Variants in LRP2 observed in about 807,000 individuals in gnomAD.
LRP2 encodes the protein low-density lipoprotein receptor-related protein 2.
Under a neutral mutation model 531.0 loss-of-function variants are expected in LRP2, and 172 were observed. The observed-to-expected ratio is 0.32, with a 90% CI of 0.29 to 0.37. The LOEUF (loss-of-function observed/expected upper bound fraction) is 0.37, where lower values mean the gene tolerates loss of function less well. Among genes scored for constraint, LRP2 ranks in the 10% least tolerant of loss-of-function variants. The pLI, the probability that LRP2 is intolerant of heterozygous loss-of-function variation, is 1.00. For synonymous variants in LRP2, 1,992 were observed against 2,027.6 expected, an observed-to-expected ratio of 0.98 and a Z score of 0.47; for missense variants, 5,167 against 5,868.3, an observed-to-expected ratio of 0.88 and a Z score of 3.90.
chr2:169,248,343 G>A (rs1690096563), intron 19 of LRP2, among the ~76,000 whole-genome samples: 1 of 152,196 alleles, frequency 6.6e-6, no homozygotes, highest in African/African-American at 2.4e-5. Context: ...TGTTTAAGAT[G>A]TCATAAATTT....
At chr2:169,176,149 T>C (rs1687185301) in intron 54 of LRP2, among the ~76,000 whole-genome samples, 1 of 152,166 alleles carries the variant, frequency 6.6e-6, no homozygotes, top group Admixed American at 6.5e-5. Flanking sequence ...CTTAAGACAA[T>C]TAGAAATGAG....
At chr2:169,211,912 G>T in intron 37 of LRP2, 56 bp downstream of exon 37, 1 of 1,607,802 alleles carries the variant, frequency 6.2e-7, no homozygotes, top group East Asian at 2.2e-5. Flanking sequence ...TGGCACCAGG[G>T]ATTTCAACCT....
intron 16 of LRP2, among the ~76,000 whole-genome samples, chr2:169,261,305 A>G (rs1690538206): frequency 6.6e-6 from 1 of 152,012 alleles, no homozygotes; most frequent in Admixed American, 6.6e-5. Context: ...TGAGGGCTTC[A>G]TTCAGCTAAT....
chr2:169,172,170 T>C, intron 57 of LRP2, 36 bp from the exon 58 acceptor site: 2 of 1,613,624 alleles, frequency 1.2e-6, no homozygotes, highest in Non-Finnish European at 1.7e-6. Context: ...TCATAAACCA[T>C]TGGCAGAGAA....
intron 38 of LRP2, among the ~76,000 whole-genome samples, chr2:169,207,536 A>AT (rs1175533810): frequency 6.6e-6 from 1 of 152,196 alleles, no homozygotes; most frequent in Non-Finnish European, 1.5e-5. Flanking sequence ...TGAAAGGTAT[A>AT]TTTTCCAGAA....
intron 13 of LRP2, 91 bp from the exon 14 acceptor site, chr2:169,275,329 A>G: frequency 2.1e-6 from 2 of 954,512 alleles, no homozygotes; most frequent in Non-Finnish European, 3.3e-6. Context: ...ATGCCTGAAA[A>G]GCTAAATAAT....
chr2:169,317,234 A>T (rs1684787182), intron 3 of LRP2, among the ~76,000 whole-genome samples: 1 of 152,202 alleles, frequency 6.6e-6, no homozygotes, highest in African/African-American at 2.4e-5. Flanking sequence ...GTAAAGTATT[A>T]TTATTAGCAA....
intron 7 of LRP2, 105 bp downstream of exon 7, chr2:169,292,148 G>A (rs1684014096): frequency 4.4e-6 from 4 of 907,738 alleles, no homozygotes; most frequent in South Asian, 4.0e-5. Flanking sequence ...CCAATCCTGA[G>A]GCTTGCTTGT....
chr2:169,198,298 C>T (rs1688073267), intron 45 of LRP2, among the ~76,000 whole-genome samples: 1 of 151,996 alleles, frequency 6.6e-6, no homozygotes, highest in African/African-American at 2.4e-5. Flanking sequence ...CACGTAATCC[C>T]AGCTACTCAG....
chr2:169,206,954 C>A lies in LRP2; in HGVS notation c.6766G>T (p.Asp2256Tyr), dbSNP rs143262722. 1.0e-4 allele frequency: 162 copies of A among 1,614,108 alleles called. No homozygotes were observed. The highest frequency in any genetic ancestry group is 1.3e-4 in the Non-Finnish European group (150 of 1,180,050). The stretch of plus-strand genomic sequence containing the variant: ...TTGATACGAATCCTTGCAATTATAT[C>A]TAAAGAATCATCAACCCAATAAACG... ...GYVYWVDDSLDIIARIRINGE... is the reference protein window; with the variant it reads ...GYVYWVDDSLYIIARIRINGE... The change falls in exon 39 of 79, where the codon GAT (aspartate) becomes TAT (tyrosine). Residue 2256 changes from aspartate (D) to tyrosine (Y), a missense_variant. Asp to Tyr is a radical substitution (Grantham distance 160). Transcript: ENST00000649046.
In LRP2 at chr2:169,204,137, C is replaced by T. The variant is rs534858438; in HGVS notation, c.7850G>A (p.Arg2617Gln). The change falls in exon 42 of 79, where the codon CGA (arginine) becomes CAA (glutamine). Residue 2617 changes from arginine (R) to glutamine (Q), a missense_variant. Arg to Gln is a conservative substitution (Grantham distance 43). Around this residue, in one of 6 missense-constraint regions of LRP2, gnomAD observed 1,129 missense variants for 1,362.7 expected, o/e 0.83. Coordinates refer to ENST00000649046, the MANE Select transcript of LRP2 (RefSeq NM_004525.3). The stretch of plus-strand genomic sequence containing the variant: ...ACCTGACCCGTCATATTTGTTAGCT[C>T]GGTAAATTCTTTGTGTGTACAAGTC... ...WTDLYTQRIY[R>Q]ANKYDGSGQI... 6.2e-6 allele frequency: 10 copies of T among 1,613,990 alleles called. No homozygotes were observed. The highest frequency in any genetic ancestry group is 4.4e-5 in the South Asian group (4 of 91,086).
Position 169,271,057 on chromosome 2 carries a change from G to A in LRP2, c.2167C>T (p.Pro723Ser). 1 of 1,613,120 alleles carries A rather than the reference G, an allele frequency of 6.2e-7. No individual in the cohort carries two copies. Among genetic ancestry groups the A allele is most frequent in the Non-Finnish European group, 8.5e-7 (1 of 1,179,452 alleles). Residue 723 changes from proline to serine, a missense_variant, in exon 16 of 79, where the codon CCG becomes TCG. By Grantham distance (74) the Pro-to-Ser change is moderately conservative. Coordinates refer to ENST00000649046, the MANE Select transcript of LRP2 (RefSeq NM_004525.3). The stretch of plus-strand genomic sequence containing the variant: ...TCTTCCTGGGTAGACAAGGTGAACG[G>A]GATCCCACGAATAGCAACTTGGGAT... ...FSSQVAIRGI[P>S]FTLSTQEDVM...
At chr2:169,284,673 A>C (rs565284203) in intron 9 of LRP2, among the ~76,000 whole-genome samples, 1 of 151,982 alleles carries the variant, frequency 6.6e-6, no homozygotes, top group Non-Finnish European at 1.5e-5. Flanking sequence ...AGGAAAAAAA[A>C]CCCAATCCGA....
intron 2 of LRP2, among the ~76,000 whole-genome samples, chr2:169,319,820 A>G (rs1684863528): frequency 6.6e-6 from 1 of 152,196 alleles, no homozygotes; most frequent in African/African-American, 2.4e-5. Flanking sequence ...CTCCTGGGTG[A>G]TCCATTTGTG....
At position 169,279,436 on chromosome 2, in the gene LRP2, G is replaced by C; in HGVS notation, c.1501C>G (p.Arg501Gly). The change falls in exon 12 of 79, where the codon CGG (arginine) becomes GGG (glycine). Residue 501 changes from arginine to glycine, a missense_variant. By Grantham distance (125) the Arg-to-Gly change is moderately radical. This residue lies in a region of LRP2 where 2,811 missense variants were observed against 3,058.0 expected (regional missense o/e 0.92). Coordinates refer to ENST00000649046, the MANE Select transcript of LRP2 (RefSeq NM_004525.3). ...AAGTTTTCAGTTATAAGGGTAACCC[G>C]ATAGCTTCCATCCAAATTTACCATA... ...IDMVNLDGSYRVTLITENLGH... is the reference protein window; with the variant it reads ...IDMVNLDGSYGVTLITENLGH... The C allele has an allele frequency of 6.2e-7, 1 of 1,614,034 alleles. No individual in the cohort carries two copies. The highest frequency in any genetic ancestry group is 8.5e-7 in the Non-Finnish European group (1 of 1,179,978).
chr2:169,146,700 T>C, intron 69 of LRP2, 39 bp downstream of exon 69: 2 of 1,439,862 alleles, frequency 1.4e-6, no homozygotes, highest in Non-Finnish European at 1.9e-6. Flanking sequence ...AATATGTTAA[T>C]TATTAATTTA....
At chr2:169,216,708 G>T (rs781711628) in intron 34 of LRP2, among the ~76,000 whole-genome samples, 1 of 152,124 alleles carries the variant, frequency 6.6e-6, no homozygotes, top group Non-Finnish European at 1.5e-5. Context: ...TTTTAGCATG[G>T]TCAGGTGTGT....
intron 34 of LRP2, 86 bp from the exon 35 acceptor site, chr2:169,216,516 C>A: frequency 7.9e-7 from 1 of 1,268,938 alleles, no homozygotes; most frequent in Non-Finnish European, 1.1e-6. Context: ...ATTACTTGTC[C>A]TCAAGATGCT....
intron 1 of LRP2, among the ~76,000 whole-genome samples, chr2:169,349,865 C>G (rs1685798611): frequency 6.6e-6 from 1 of 152,162 alleles, no homozygotes; most frequent in African/African-American, 2.4e-5. Flanking sequence ...TTATATACTC[C>G]AAGCTCCATC....
Sources: gnomAD v4.1 joint callset for allele counts (sites outside exome capture counted in the v4.1 genomes callset) on GRCh38, gnomAD v4.1.1 for gene constraint, gnomAD v4.1.1 regional missense constraint, MANE v1.5 for transcripts, NCBI Gene and HGNC (gene_info 2026-07-23, HGNC 2026-07-21) for gene names.